The following RAPGEF4 variants were observed in gnomAD, a reference collection of about 807,000 sequenced individuals.
The protein encoded by RAPGEF4 is Rap guanine nucleotide exchange factor 4.
Under a neutral mutation model 147.9 loss-of-function variants are expected in RAPGEF4, and 66 were observed. That is an observed-to-expected ratio of 0.45 (90% CI 0.37 to 0.55). The LOEUF is 0.55. RAPGEF4 is among the 20% of genes least tolerant of loss of function. The probability of loss-of-function intolerance (pLI) is 0.00; values close to 1 mark genes in which losing one functional copy is unlikely to be tolerated. For synonymous variants in RAPGEF4, 419 were observed against 442.7 expected, an observed-to-expected ratio of 0.95 and a Z score of 0.67; for missense variants, 1,071 against 1,257.3, an observed-to-expected ratio of 0.85 and a Z score of 2.24.
intron 4 of RAPGEF4, among the ~76,000 whole-genome samples, chr2:172,819,684 C>T (rs1245664819): frequency 6.6e-6 from 1 of 151,826 alleles, no homozygotes; most frequent in East Asian, 1.9e-4. Context: ...CCAGGATGGT[C>T]TCGATCTCCT....
chr2:172,837,219 A>T (rs760671291), intron 4 of RAPGEF4, among the ~76,000 whole-genome samples: 1 of 152,170 alleles, frequency 6.6e-6, no homozygotes, highest in Non-Finnish European at 1.5e-5. Flanking sequence ...AATGCTTGCT[A>T]TGGGCTTGTC....
At chr2:173,030,338 T>G (rs535747483) in intron 26 of RAPGEF4, 84 bp downstream of exon 26, 24 of 1,042,588 alleles carry the variant, frequency 2.3e-5, no homozygotes, top group Non-Finnish European at 4.5e-6. Context: ...AATAGAAATA[T>G]CACTCACACT....
intron 27 of RAPGEF4, among the ~76,000 whole-genome samples, chr2:173,035,743 A>G (rs1683913776): frequency 6.6e-6 from 1 of 152,180 alleles, no homozygotes; most frequent in Admixed American, 6.5e-5. Flanking sequence ...CAACTAACAC[A>G]TATTTTGTAT....
chr2:172,794,722 T>A (rs1446610343), intron 1 of RAPGEF4, among the ~76,000 whole-genome samples: 1 of 152,242 alleles, frequency 6.6e-6, no homozygotes, highest in African/African-American at 2.4e-5. Flanking sequence ...TGCATTTTCA[T>A]GTATCTTGTG....
intron 4 of RAPGEF4, among the ~76,000 whole-genome samples, chr2:172,841,751 A>G (rs1691619327): frequency 6.6e-6 from 1 of 151,192 alleles, no homozygotes; most frequent in Non-Finnish European, 1.5e-5. Flanking sequence ...TGAGGGAACA[A>G]TTCCCCAAAC....
At chr2:172,903,940 A>G (rs185307118) in intron 4 of RAPGEF4, among the ~76,000 whole-genome samples, 2 of 152,184 alleles carry the variant, frequency 1.3e-5, no homozygotes, top group Non-Finnish European at 2.9e-5. Flanking sequence ...AATCCCCTCT[A>G]CCTGGCATGC....
intron 6 of RAPGEF4, among the ~76,000 whole-genome samples, chr2:172,941,278 G>A (rs573309324): frequency 1.2e-4 from 18 of 152,190 alleles, no homozygotes; most frequent in African/African-American, 4.3e-4. Flanking sequence ...TTGCTATTAG[G>A]TTTTTAATGT....
chr2:172,762,792 A>G (rs1387988641), intron 1 of RAPGEF4, among the ~76,000 whole-genome samples: 1 of 152,190 alleles, frequency 6.6e-6, no homozygotes, highest in Admixed American at 6.5e-5. Context: ...ATTTACATGG[A>G]CCTGCTATCT....
At chr2:172,758,889 A>G (rs1444191699) in intron 1 of RAPGEF4, among the ~76,000 whole-genome samples, 1 of 152,190 alleles carries the variant, frequency 6.6e-6, no homozygotes, top group Non-Finnish European at 1.5e-5. Context: ...TCATTAATAC[A>G]TAGATGACAC....
intron 4 of RAPGEF4, among the ~76,000 whole-genome samples, chr2:172,900,813 A>G (rs1698988786): frequency 6.6e-6 from 1 of 152,208 alleles, no homozygotes; most frequent in African/African-American, 2.4e-5. Flanking sequence ...TCCTTTTAAC[A>G]CTAATAATAA....
In RAPGEF4 at chr2:172,996,511, T is replaced by C; in HGVS notation, c.1536T>C (p.Phe512=). The change falls in exon 16 of 31, where the codon TTT becomes TTC. Residue 512 remains phenylalanine (F), a synonymous_variant. Coordinates refer to ENST00000397081, the MANE Select transcript of RAPGEF4 (RefSeq NM_007023.4). The part of the protein sequence containing the change: ...SGTPEKILEH[F]LETIRLEATL... ...CACCTGAAAAAATTTTAGAGCATTT[T>C]CTAGAAACAATACGCCTTGAGGCAA... The C allele has an allele frequency of 6.3e-7, 1 of 1,583,700 alleles. No individual in the cohort carries two copies.
At chr2:172,934,311 G>A (rs781016917) in intron 6 of RAPGEF4, among the ~76,000 whole-genome samples, 29 of 151,654 alleles carry the variant, frequency 1.9e-4, no homozygotes, top group Admixed American at 3.3e-4. Flanking sequence ...CACCATGCCC[G>A]GCTAATTTTT....
chr2:172,966,255 T>C (rs544161243), intron 9 of RAPGEF4, among the ~76,000 whole-genome samples: 4 of 152,314 alleles, frequency 2.6e-5, no homozygotes, highest in African/African-American at 9.6e-5. Flanking sequence ...GCCAAACTCT[T>C]ATGCCATTTG....
chr2:173,028,812 G>T (rs1696908509), intron 25 of RAPGEF4, among the ~76,000 whole-genome samples: 1 of 152,154 alleles, frequency 6.6e-6, no homozygotes, highest in African/African-American at 2.4e-5. Context: ...TATTTTTAGA[G>T]AACTTCAACA....
chr2:172,997,163 C>T (rs1276880415), intron 16 of RAPGEF4, among the ~76,000 whole-genome samples: 1 of 152,174 alleles, frequency 6.6e-6, no homozygotes, highest in Non-Finnish European at 1.5e-5. Flanking sequence ...CCATGCCTCT[C>T]TCCTAGCCTC....
intron 6 of RAPGEF4, among the ~76,000 whole-genome samples, chr2:172,935,431 G>A (rs1015071838): frequency 6.6e-6 from 1 of 152,138 alleles, no homozygotes; most frequent in Non-Finnish European, 1.5e-5. Context: ...TGTTGATGGG[G>A]AGGTCTGTGC....
intron 4 of RAPGEF4, among the ~76,000 whole-genome samples, chr2:172,885,808 C>T (rs1052024402): frequency 1.3e-5 from 2 of 152,156 alleles, no homozygotes; most frequent in Non-Finnish European, 2.9e-5. Flanking sequence ...TATCACCCTG[C>T]TTGGCATCTT....
At chr2:172,965,503 C>G (rs1181886765) in intron 8 of RAPGEF4, 59 bp from the exon 9 acceptor site, 1 of 1,566,948 alleles carries the variant, frequency 6.4e-7, no homozygotes, top group Non-Finnish European at 8.8e-7. Flanking sequence ...AAAGCCATCT[C>G]CCATCCTCTA....
chr2:172,951,541 T>C (rs1559140921), intron 6 of RAPGEF4, among the ~76,000 whole-genome samples: 1 of 151,976 alleles, frequency 6.6e-6, no homozygotes, highest in East Asian at 1.9e-4. Context: ...GGGTAAAGAG[T>C]GCCAGATATG....
Sources: gnomAD v4.1 joint callset for allele counts (sites outside exome capture counted in the v4.1 genomes callset) on GRCh38, gnomAD v4.1.1 for gene constraint, MANE v1.5 for transcripts, NCBI Gene and HGNC (gene_info 2026-07-23, HGNC 2026-07-21) for gene names.